LRRC7: variants seen among roughly 807,000 people sequenced by gnomAD.
LRRC7 encodes the protein leucine rich repeat containing 7.
In LRRC7, 23 loss-of-function variants were observed where a neutral mutation model predicts 175.7. That is an observed-to-expected ratio of 0.13 (90% CI 0.09 to 0.19). The LOEUF is 0.19. Among genes scored for constraint, LRRC7 ranks in the 10% least tolerant of loss-of-function variants. LRRC7 has a pLI of 1.00. For missense variants in LRRC7, 1,354 were observed against 1,904.7 expected (o/e 0.71, Z 5.38); for synonymous variants, 685 against 680.9 (o/e 1.01, Z -0.09).
intron 7 of LRRC7, among the ~76,000 whole-genome samples, chr1:69,923,645 T>G (rs1189439172): frequency 7.2e-5 from 11 of 152,254 alleles, no homozygotes; most frequent in African/African-American, 2.2e-4. Context: ...TTTTTGATGG[T>G]GTTATTTGTT....
At chr1:69,675,655 G>A (rs552171267) in intron 1 of LRRC7, among the ~76,000 whole-genome samples, 15 of 152,082 alleles carry the variant, frequency 9.9e-5, no homozygotes, top group South Asian at 2.1e-4. Flanking sequence ...TGCATTTGCC[G>A]AAACACATAA....
At chr1:70,001,019 C>G (rs1283247977) in intron 11 of LRRC7, among the ~76,000 whole-genome samples, 1 of 152,138 alleles carries the variant, frequency 6.6e-6, no homozygotes, top group Non-Finnish European at 1.5e-5. Flanking sequence ...CTTTTCGCAA[C>G]CTATAATTTT....
intron 4 of LRRC7, among the ~76,000 whole-genome samples, chr1:69,792,515 G>C (rs1268375436): frequency 6.6e-6 from 1 of 151,896 alleles, no homozygotes; most frequent in Non-Finnish European, 1.5e-5. Flanking sequence ...AGGCCTACCT[G>C]TTCACCCTAT....
At chr1:69,764,770 T>TAGACAGAC (rs1208093794) in intron 3 of LRRC7, among the ~76,000 whole-genome samples, 1 of 150,320 alleles carries the variant, frequency 6.7e-6, no homozygotes, top group Non-Finnish European at 1.5e-5. Context: ...GATAGATAGA[T>TAGACAGAC]AGATAGATAG....
At chr1:70,079,868 C>A (rs376560957) in intron 24 of LRRC7, among the ~76,000 whole-genome samples, 101 of 152,290 alleles carry the variant, frequency 6.6e-4, no homozygotes, top group African/African-American at 2.4e-3. Context: ...ATTATATAAC[C>A]GGTCCTGCTT....
At chr1:69,638,775 A>G (rs983387472) in intron 1 of LRRC7, among the ~76,000 whole-genome samples, 1 of 151,826 alleles carries the variant, frequency 6.6e-6, no homozygotes, top group Non-Finnish European at 1.5e-5. Flanking sequence ...ATTCCACTTC[A>G]AGATTATTAT....
intron 18 of LRRC7, among the ~76,000 whole-genome samples, chr1:70,031,661 C>T (rs1256735315): frequency 6.6e-6 from 1 of 152,116 alleles, no homozygotes; most frequent in African/African-American, 2.4e-5. Context: ...TGTTAAACAC[C>T]ACCTATCTTC....
chr1:70,133,759 TC>T lies in LRRC7; in HGVS notation c.*11873del, dbSNP rs1666767368. ...TAAAGTTTTGATGTTCCTTAATTGTTCAGTTTAATTATTATACCCACCAGTT... is the reference window on the plus strand; with the variant it reads ...TAAAGTTTTGATGTTCCTTAATTGTTAGTTTAATTATTATACCCACCAGTT... On this transcript the variant is annotated 3_prime_UTR_variant, in exon 27 of 27. Coordinates refer to ENST00000651989, the MANE Select transcript of LRRC7 (RefSeq NM_001370785.2). Among the ~76,000 whole-genome samples, 1 of 152,198 alleles carries T rather than the reference TC, an allele frequency of 6.6e-6. No homozygotes were observed. The highest frequency in any genetic ancestry group is 1.5e-5 in the Non-Finnish European group (1 of 68,028).
chr1:69,951,253 G>A (rs1649890087), intron 8 of LRRC7, among the ~76,000 whole-genome samples: 1 of 151,932 alleles, frequency 6.6e-6, no homozygotes, highest in African/African-American at 2.4e-5. Flanking sequence ...TCTCACATCA[G>A]TCAGTATGGC....
intron 24 of LRRC7, among the ~76,000 whole-genome samples, chr1:70,087,048 C>T (rs1663668688): frequency 6.6e-6 from 1 of 152,154 alleles, no homozygotes; most frequent in Non-Finnish European, 1.5e-5. Flanking sequence ...GCAGTCTAGC[C>T]TCAGATCAGA....
At chr1:69,572,123 G>A (rs921633071) in intron 1 of LRRC7, among the ~76,000 whole-genome samples, 2 of 152,068 alleles carry the variant, frequency 1.3e-5, no homozygotes, top group African/African-American at 4.8e-5. Context: ...GACAAGCCGA[G>A]TTACCATTAA....
At chr1:70,119,114 A>G (rs1666049703) in intron 26 of LRRC7, among the ~76,000 whole-genome samples, 2 of 151,762 alleles carry the variant, frequency 1.3e-5, no homozygotes, top group Non-Finnish European at 1.5e-5. Context: ...TATTCTGCAC[A>G]TACTGTTACA....
intron 26 of LRRC7, among the ~76,000 whole-genome samples, chr1:70,121,518 C>T (rs572149834): frequency 6.6e-6 from 1 of 152,160 alleles, no homozygotes; most frequent in East Asian, 1.9e-4. Flanking sequence ...GTCACCAGTA[C>T]ATCTATCTGT....
rs940984667 is a variant in LRRC7, at chr1:69,575,166, T to C, written c.2+6525T>C. Among the ~76,000 whole-genome samples the C allele has an allele frequency of 3.3e-5, 5 of 152,080 alleles. 1 individual carries two copies. In the East Asian group the frequency reaches 9.6e-4, roughly 29 times the overall value. ...AAACTGAGGCCCCACTAAGTATACT[T>C]TCTTGCTGAGGGTCATCCAACTGTT... On this transcript the variant is annotated intron_variant, in intron 1 of 26. Transcript: ENST00000651989.
intron 1 of LRRC7, among the ~76,000 whole-genome samples, chr1:69,623,986 T>C (rs1651079789): frequency 6.6e-6 from 1 of 152,226 alleles, no homozygotes. Flanking sequence ...CTATAAATAA[T>C]GGTTCAGTGA....
intron 17 of LRRC7, among the ~76,000 whole-genome samples, chr1:70,026,019 T>A (rs1433040378): frequency 6.6e-6 from 1 of 152,094 alleles, no homozygotes; most frequent in East Asian, 1.9e-4. Flanking sequence ...AAATATCACA[T>A]GTGCTTGCTT....
At chr1:69,983,445 C>T (rs1653635756) in intron 9 of LRRC7, among the ~76,000 whole-genome samples, 1 of 152,236 alleles carries the variant, frequency 6.6e-6, no homozygotes, top group South Asian at 2.1e-4. Context: ...TAGATGCTCT[C>T]ATGCATCCTT....
At chr1:69,896,951 G>T (rs1357382995) in intron 7 of LRRC7, among the ~76,000 whole-genome samples, 3 of 151,962 alleles carry the variant, frequency 2.0e-5, no homozygotes. Flanking sequence ...TTCTCCTATT[G>T]TCTACAAATT....
intron 1 of LRRC7, among the ~76,000 whole-genome samples, chr1:69,619,371 A>G (rs1173766251): frequency 2.0e-5 from 3 of 151,402 alleles, no homozygotes. Context: ...TCTGTTCTTC[A>G]CTGCAGCTCG....
Sources: allele counts gnomAD v4.1 joint callset (sites outside exome capture counted in the v4.1 genomes callset), GRCh38; gene constraint gnomAD v4.1.1; transcripts MANE v1.5; gene names NCBI Gene and HGNC (gene_info 2026-07-23, HGNC 2026-07-21).